PCDHGA10: variants seen among roughly 807,000 people sequenced by gnomAD.
The protein encoded by PCDHGA10 is protocadherin gamma-A10.
A neutral mutation model predicts 59.5 loss-of-function variants in PCDHGA10; 42 were observed. That is an observed-to-expected ratio of 0.71 (90% CI 0.55 to 0.91). The LOEUF (loss-of-function observed/expected upper bound fraction) is 0.91, where lower values mean the gene tolerates loss of function less well. PCDHGA10 is among the 40% of genes least tolerant of loss of function. The pLI, the probability that PCDHGA10 is intolerant of heterozygous loss-of-function variation, is 0.00. For missense variants in PCDHGA10, 1,111 were observed against 1,198.2 expected, an observed-to-expected ratio of 0.93 and a Z score of 1.07; for synonymous variants, 511 against 517.2, an observed-to-expected ratio of 0.99 and a Z score of 0.16.
chr5:141,426,094 G>C (rs2096914562), intron 1 of PCDHGA10, among the ~76,000 whole-genome samples: 1 of 152,350 alleles, frequency 6.6e-6, no homozygotes, highest in African/African-American at 2.4e-5. Flanking sequence ...ACGATATTCT[G>C]TTCAGTCACA....
At chr5:141,479,685 G>A (rs749895405) in intron 1 of PCDHGA10, 3 of 152,248 alleles carry the variant, frequency 2.0e-5, no homozygotes, top group Non-Finnish European at 4.4e-5. Flanking sequence ...AGTCTTTTTG[G>A]TGCCTCCAGT....
At chr5:141,509,268 G>A (rs2099875959) in intron 3 of PCDHGA10, among the ~76,000 whole-genome samples, 1 of 152,150 alleles carries the variant, frequency 6.6e-6, no homozygotes, top group South Asian at 2.1e-4. Flanking sequence ...AGTCACTCTC[G>A]CTACCCGCTC....
chr5:141,421,679 C>A, intron 1 of PCDHGA10: 1 of 1,613,810 alleles, frequency 6.2e-7, no homozygotes, highest in East Asian at 2.2e-5. Flanking sequence ...ATTCCTGGGG[C>A]GCGATTTGCT....
intron 1 of PCDHGA10, among the ~76,000 whole-genome samples, chr5:141,450,814 A>ATT (rs755856825): frequency 0.033 from 4,450 of 136,778 alleles, 81 homozygotes; most frequent in Middle Eastern, 0.081. Context: ...TTATTTATTT[A>ATT]ATATTATTAT....
chr5:141,490,604 A>T lies in PCDHGA10; in HGVS notation c.2437-4203A>T, dbSNP rs749528675. ...GTCAATGACAATGCACCCCGCTTCA[A>T]CCAGCAGCTTTACACTGCTTACATC... On this transcript the variant is annotated intron_variant, in intron 1 of 3. Transcript: ENST00000398610. The surrounding 1 kb of genome is among the most constrained non-coding windows in gnomAD (Gnocchi z 5.4). 6.2e-7 allele frequency: 1 copy of T among 1,614,192 alleles called. No homozygotes were observed. The highest frequency in any genetic ancestry group is 8.5e-7 in the Non-Finnish European group (1 of 1,180,022).
At chr5:141,428,117 G>T in intron 1 of PCDHGA10, 2 of 1,607,102 alleles carry the variant, frequency 1.2e-6, no homozygotes, top group East Asian at 2.2e-5. Context: ...AGGCCATCGA[G>T]CCCGGGCTTT....
chr5:141,441,609 A>G (rs922588350), intron 1 of PCDHGA10: 2 of 218,734 alleles, frequency 9.1e-6, no homozygotes, highest in South Asian at 5.5e-5. Context: ...TCCCTATTCC[A>G]TCGTGGCCAG....
chr5:141,458,390 C>T (rs2098944487), intron 1 of PCDHGA10, among the ~76,000 whole-genome samples: 1 of 152,058 alleles, frequency 6.6e-6, no homozygotes, highest in Non-Finnish European at 1.5e-5. Context: ...GAAGACGCTC[C>T]CCCTTGCAGA....
chr5:141,437,030 A>G (rs1246601314), intron 1 of PCDHGA10, among the ~76,000 whole-genome samples: 1 of 152,248 alleles, frequency 6.6e-6, no homozygotes, highest in Non-Finnish European at 1.5e-5. Context: ...CAGAAAATGG[A>G]TCACCGAAAC....
chr5:141,467,532 T>G (rs2099145568), intron 1 of PCDHGA10, among the ~76,000 whole-genome samples: 1 of 152,234 alleles, frequency 6.6e-6, no homozygotes, highest in Non-Finnish European at 1.5e-5. Flanking sequence ...TGTGCTGAGA[T>G]ATGGATCTGA....
chr5:141,433,122 G>C (rs1442464320), intron 1 of PCDHGA10: 1 of 1,614,134 alleles, frequency 6.2e-7, no homozygotes, highest in Admixed American at 1.7e-5. Flanking sequence ...TTTGAAAAAA[G>C]CGAGCCCCTT....
intron 1 of PCDHGA10, among the ~76,000 whole-genome samples, chr5:141,425,555 A>T (rs1282440598): frequency 6.6e-6 from 1 of 152,270 alleles, no homozygotes; most frequent in African/African-American, 2.4e-5. Flanking sequence ...AACCTCTTTT[A>T]TAAGTGATAA....
At chr5:141,453,046 T>C (rs1561950003) in intron 1 of PCDHGA10, among the ~76,000 whole-genome samples, 1 of 152,186 alleles carries the variant, frequency 6.6e-6, no homozygotes, top group Non-Finnish European at 1.5e-5. Context: ...GTTTCTATTA[T>C]GTGCAGTTTT....
At position 141,486,417 on chromosome 5, in the gene PCDHGA10, G is replaced by T. The variant is rs1298448753; in HGVS notation, c.2437-8390G>T. On this transcript the variant is annotated intron_variant, in intron 1 of 3. Transcript: ENST00000398610. The surrounding 1 kb of genome is among the most constrained non-coding windows in gnomAD (Gnocchi z 5.0). ...CTGGTGACTGCTGGACCCTTGGATCGAGAGGCCAAATCTAGCTATGACATC... is the reference window on the plus strand; with the variant it reads ...CTGGTGACTGCTGGACCCTTGGATCTAGAGGCCAAATCTAGCTATGACATC... The T allele has an allele frequency of 6.2e-7, 1 of 1,614,014 alleles. No homozygotes were observed. The highest frequency in any genetic ancestry group is 1.7e-5 in the Admixed American group (1 of 60,010).
At position 141,477,023 on chromosome 5, in the gene PCDHGA10, A is replaced by T. The variant is rs763926460; in HGVS notation, c.2437-17784A>T. ...ATTCGCCTTAGACCTTGTAACCGGG[A>T]TGCTGACAATCAAGGGTCGGCTGGA... is the stretch of plus-strand genomic sequence containing the variant. On this transcript the variant is annotated intron_variant, in intron 1 of 3. Transcript: ENST00000398610. The surrounding 1 kb of genome is among the most constrained non-coding windows in gnomAD (Gnocchi z 4.9). 6.2e-7 allele frequency: 1 copy of T among 1,614,240 alleles called. No homozygotes were observed. The highest frequency in any genetic ancestry group is 8.5e-7 in the Non-Finnish European group (1 of 1,180,040).
At chr5:141,427,470 G>A (rs765970767) in intron 1 of PCDHGA10, 8 of 509,992 alleles carry the variant, frequency 1.6e-5, no homozygotes, top group African/African-American at 7.7e-5. Flanking sequence ...CGAATCTTCC[G>A]CCAATAATGA....
At chr5:141,453,451 T>C (rs1052905667) in intron 1 of PCDHGA10, among the ~76,000 whole-genome samples, 1 of 152,096 alleles carries the variant, frequency 6.6e-6, no homozygotes, top group Non-Finnish European at 1.5e-5. Flanking sequence ...TTTTTGAATA[T>C]GTAAAACATT....
chr5:141,491,409 G>C lies in PCDHGA10; in HGVS notation c.2437-3398G>C, dbSNP rs2099711927. 6.2e-7 allele frequency: 1 copy of C among 1,614,000 alleles called. No homozygotes were observed. Among genetic ancestry groups the C allele is most frequent in the Non-Finnish European group, 8.5e-7 (1 of 1,180,022 alleles). The stretch of plus-strand genomic sequence containing the variant: ...AGTGCCTTCAGGGAAACGCAGACGG[G>C]GACGGGGGTGGAGGGCAGTGCTGCA... On this transcript the variant is annotated intron_variant, in intron 1 of 3. Coordinates refer to ENST00000398610, the MANE Select transcript of PCDHGA10 (RefSeq NM_018913.3). This position sits in a 1 kb window ranked among gnomAD's most constrained non-coding sequence, Gnocchi z 6.9.
chr5:141,466,415 C>T (rs995296505), intron 1 of PCDHGA10, among the ~76,000 whole-genome samples: 6 of 152,136 alleles, frequency 3.9e-5, no homozygotes, highest in Non-Finnish European at 8.8e-5. Context: ...ATTTTTCAGT[C>T]AGAATTGTGT....
Sources: allele counts gnomAD v4.1 joint callset (sites outside exome capture counted in the v4.1 genomes callset), GRCh38; gene constraint gnomAD v4.1.1; non-coding constraint Gnocchi (gnomAD v3.1); transcripts MANE v1.5; gene names NCBI Gene and HGNC (gene_info 2026-07-23, HGNC 2026-07-21).